Variants in SYNE3 observed in about 807,000 individuals in gnomAD.
SYNE3 encodes the protein spectrin repeat containing nuclear envelope family member 3.
A neutral mutation model predicts 111.2 loss-of-function variants in SYNE3; 100 were observed. The ratio of observed to expected loss-of-function variants is 0.90; its 90% confidence interval spans 0.77 to 1.06. SYNE3 has a LOEUF of 1.06. Among genes scored for constraint, SYNE3 ranks in the 50% least tolerant of loss-of-function variants. SYNE3 has a pLI of 0.00. For synonymous variants in SYNE3, 547 were observed against 533.9 expected (o/e 1.02, Z -0.34); for missense variants, 1,160 against 1,240.3 (o/e 0.94, Z 0.97).
At chr14:95,435,293 A>G (rs1229614722) in intron 15 of SYNE3, among the ~76,000 whole-genome samples, 1 of 152,240 alleles carries the variant, frequency 6.6e-6, no homozygotes, top group Non-Finnish European at 1.5e-5. Flanking sequence ...AGCACCAAAT[A>G]GAAGTTCTAG....
rs11844931 is a variant in SYNE3 at position 95,452,070 on chromosome 14, G to A, written c.1274+177C>T. On this transcript the variant is annotated intron_variant, in intron 7 of 17. Coordinates refer to ENST00000682763, the MANE Select transcript of SYNE3 (RefSeq NM_152592.6). ...TCTTTCTGGGAGCAAATGCAAAACA[G>A]TCAAAGGGGACAGTGTCTGAGCCAA... The A allele has an allele frequency of 0.013, 9,080 of 717,164 alleles. 625 individuals carry two copies. In the African/African-American group the frequency reaches 0.14, roughly 11 times the overall value. 44.4% of individuals were successfully genotyped at this position (717,164 alleles called of 1,614,324 possible). A position where few individuals can be genotyped will look rare whatever the true frequency, so the allele number is the denominator to read the frequency against.
chr14:95,490,574 T>C (rs1286002826), intron 1 of SYNE3, among the ~76,000 whole-genome samples: 1 of 152,254 alleles, frequency 6.6e-6, no homozygotes, highest in Non-Finnish European at 1.5e-5. Flanking sequence ...AGGCTTCCTG[T>C]TACCCTGAAC....
intron 17 of SYNE3, among the ~76,000 whole-genome samples, chr14:95,418,997 C>T (rs1009004516): frequency 1.3e-5 from 2 of 152,172 alleles, no homozygotes; most frequent in African/African-American, 4.8e-5. Context: ...TCACTATTGC[C>T]ATCAGTATCA....
At chr14:95,499,873 T>TTTTTTG (rs1890265112) in intron 1 of SYNE3, among the ~76,000 whole-genome samples, 1 of 143,918 alleles carries the variant, frequency 6.9e-6, no homozygotes, top group Non-Finnish European at 1.5e-5. Context: ...TTTTTTTTTT[T>TTTTTTG]TTTGAGATGG....
At chr14:95,427,125 T>C (rs151161226) in intron 17 of SYNE3, among the ~76,000 whole-genome samples, 3 of 152,030 alleles carry the variant, frequency 2.0e-5, no homozygotes, top group Non-Finnish European at 4.4e-5. Context: ...TGAGGGGACA[T>C]AGTGAGAAGT....
At chr14:95,516,493 G>A (rs1341744237) in intron 1 of SYNE3, among the ~76,000 whole-genome samples, 103 bp downstream of exon 1, 5 of 151,944 alleles carry the variant, frequency 3.3e-5, no homozygotes, top group Non-Finnish European at 5.9e-5. Context: ...CCGATTCCCG[G>A]GGCTGTGTCA....
chr14:95,466,054 C>A lies in SYNE3; in HGVS notation c.504G>T (p.Val168=), dbSNP rs1888147140. ...CCTCCTCCAGCAGCCGGTCCAGGAG[C>A]ACCGCCTGGTTGTCCACGTTGTGCA... ...VLLHNVDNQA[V]LLDRLLEEAA... Residue 168 remains valine, a synonymous_variant, in exon 4 of 18, where the codon GTG becomes GTT. Transcript: ENST00000682763. 6.2e-7 allele frequency: 1 copy of A among 1,613,358 alleles called. No homozygotes were observed. Among genetic ancestry groups the A allele is most frequent in the East Asian group, 2.2e-5 (1 of 44,862 alleles).
At chr14:95,469,025 G>A (rs937385007) in intron 2 of SYNE3, among the ~76,000 whole-genome samples, 2 of 152,144 alleles carry the variant, frequency 1.3e-5, no homozygotes, top group African/African-American at 2.4e-5. Flanking sequence ...GGTAATGTAG[G>A]GAGAGCCATG....
intron 8 of SYNE3, 75 bp from the exon 9 acceptor site, chr14:95,446,166 G>A: frequency 6.5e-7 from 1 of 1,544,656 alleles, no homozygotes; most frequent in Non-Finnish European, 8.8e-7. Context: ...GGGCACAACT[G>A]TTCTGGCTGC....
intron 14 of SYNE3, 134 bp downstream of exon 14, chr14:95,438,899 G>A (rs1457670705): frequency 9.5e-6 from 12 of 1,256,748 alleles, no homozygotes; most frequent in Non-Finnish European, 1.0e-5. Flanking sequence ...AGGCTCAAAT[G>A]AGACAGGACG....
chr14:95,447,283 A>G (rs1345641643), intron 8 of SYNE3, among the ~76,000 whole-genome samples: 3 of 151,762 alleles, frequency 2.0e-5, no homozygotes, highest in Non-Finnish European at 4.4e-5. Flanking sequence ...ACAGGCGCCC[A>G]CCACCACACC....
intron 8 of SYNE3, among the ~76,000 whole-genome samples, chr14:95,447,915 A>G (rs1240668151): frequency 6.6e-6 from 1 of 152,254 alleles, no homozygotes; most frequent in Non-Finnish European, 1.5e-5. Flanking sequence ...CTACCTGTGC[A>G]TAGATATTCA....
chr14:95,502,226 C>T (rs750067902), intron 1 of SYNE3, among the ~76,000 whole-genome samples: 24 of 152,100 alleles, frequency 1.6e-4, no homozygotes, highest in Non-Finnish European at 3.2e-4. Context: ...CCTCATATCC[C>T]CTTCCAAGAC....
Position 95,440,385 on chromosome 14 carries a change from C to T in SYNE3, c.1912-310G>A, listed in dbSNP as rs184265900. 4.1e-4 allele frequency among the ~76,000 whole-genome samples: 62 copies of T among 152,380 alleles called. No homozygotes were observed. The Middle Eastern group carries it at 0.01, about 25-fold the overall frequency. On this transcript the variant is annotated intron_variant, in intron 11 of 17. Coordinates refer to ENST00000682763, the MANE Select transcript of SYNE3 (RefSeq NM_152592.6). ...AAATTGGCTCAACCACTTGTGGAAA[C>T]CACGGGTCAGAATCTACCCAAATGG...
rs59944497 is a variant in SYNE3 at position 95,513,737 on chromosome 14, TTATATATA to T, written c.-15+2851_-15+2858del. Among the ~76,000 whole-genome samples the T allele has an allele frequency of 6.4e-3, 594 of 92,494 alleles. 11 individuals are homozygous for T. The highest frequency in any genetic ancestry group is 0.021 in the African/African-American group (459 of 21,406). 60.7% of individuals were successfully genotyped at this position (92,494 alleles called of 152,430 possible). ...TTGTGGTCCAGTCAGGCTGCTTAGA[TTATATATA>T]TATATATATATATATATATATATAT... is the stretch of plus-strand genomic sequence containing the variant. On this transcript the variant is annotated intron_variant, in intron 1 of 17. Coordinates refer to ENST00000682763, the MANE Select transcript of SYNE3 (RefSeq NM_152592.6).
chr14:95,472,789 G>A lies in SYNE3; in HGVS notation c.144+2889C>T, dbSNP rs186035694. 6.6e-5 allele frequency among the ~76,000 whole-genome samples: 10 copies of A among 152,284 alleles called. 1 individual carries two copies. In the East Asian group the frequency reaches 1.5e-3, roughly 24 times the overall value. On this transcript the variant is annotated intron_variant, in intron 2 of 17. Coordinates refer to ENST00000682763, the MANE Select transcript of SYNE3 (RefSeq NM_152592.6). ...CTTACAGAAAGCCCCCACCCCACGA[G>A]GATTCTGGAGTTTCCCTTAACCCCT...
At chr14:95,451,071 A>C (rs983252308) in intron 7 of SYNE3, 1 of 152,240 alleles carries the variant, frequency 6.6e-6, no homozygotes, top group Non-Finnish European at 1.5e-5. Context: ...AAACTGAGTT[A>C]GGGTTTTGGC....
chr14:95,426,090 A>T (rs1373893104), intron 17 of SYNE3, among the ~76,000 whole-genome samples: 2 of 152,240 alleles, frequency 1.3e-5, no homozygotes, highest in East Asian at 3.8e-4. Flanking sequence ...AAGACGAAGA[A>T]ATAGAAAGAG....
chr14:95,435,091 C>T (rs1400225647), intron 15 of SYNE3, among the ~76,000 whole-genome samples: 1 of 151,990 alleles, frequency 6.6e-6, no homozygotes, highest in Admixed American at 6.6e-5. Context: ...TCATAAAATG[C>T]CTTGAGATGT....
Sources: allele counts gnomAD v4.1 joint callset (sites outside exome capture counted in the v4.1 genomes callset), GRCh38; gene constraint gnomAD v4.1.1; transcripts MANE v1.5; gene names NCBI Gene and HGNC (gene_info 2026-07-23, HGNC 2026-07-21).